Variants in PDIA5 observed in about 807,000 individuals in gnomAD.
The protein encoded by PDIA5 is protein disulfide isomerase family A member 5, also known as protein disulfide-isomerase A5.
PDIA5 carries 58 observed loss-of-function variants against 77.6 expected under a neutral mutation model. The ratio of observed to expected loss-of-function variants is 0.75; its 90% confidence interval spans 0.61 to 0.93. The LOEUF is 0.93. PDIA5 is among the 40% of genes least tolerant of loss of function. The probability of loss-of-function intolerance (pLI) is 0.00; values close to 1 mark genes in which losing one functional copy is unlikely to be tolerated. For missense variants in PDIA5, 630 were observed against 647.7 expected (o/e 0.97, Z 0.30); for synonymous variants, 250 against 252.1 (o/e 0.99, Z 0.08).
chr3:123,121,896 G>A (rs1935130010), intron 8 of PDIA5, among the ~76,000 whole-genome samples: 1 of 152,250 alleles, frequency 6.6e-6, no homozygotes, highest in Non-Finnish European at 1.5e-5. Flanking sequence ...TCAAGGAAAT[G>A]CGCGACCCCA....
Position 123,116,357 on chromosome 3 carries a change from G to A in PDIA5, c.609+59G>A, listed in dbSNP as rs1172733016. 12 of 1,357,360 alleles carry A rather than the reference G, an allele frequency of 8.8e-6. No individual in the cohort carries two copies. The East Asian group carries it at 2.7e-4, about 31-fold the overall frequency. 84.1% of individuals were successfully genotyped at this position (1,357,360 alleles called of 1,614,324 possible). The stretch of plus-strand genomic sequence containing the variant: ...TCACTCTTGGACTTGGCGGAGGAAG[G>A]GTGCCAGGGGTGGGGTGGGGACAGG... On this transcript the variant is annotated intron_variant, in intron 8 of 16. Coordinates refer to ENST00000316218, the MANE Select transcript of PDIA5 (RefSeq NM_006810.4).
chr3:123,135,136 T>C (rs1464377673), intron 11 of PDIA5, among the ~76,000 whole-genome samples: 2 of 152,204 alleles, frequency 1.3e-5, no homozygotes, highest in Non-Finnish European at 2.9e-5. Flanking sequence ...GCGTTCCATA[T>C]GAGAGAAGTC....
chr3:123,092,522 T>TCCCCAC, intron 3 of PDIA5, 80 bp downstream of exon 3: 1 of 990,896 alleles, frequency 1.0e-6, no homozygotes, highest in Non-Finnish European at 1.6e-6. Flanking sequence ...ACAGGAACTG[T>TCCCCAC]CTCTTGATTA....
chr3:123,100,080 T>G (rs1934543985), intron 3 of PDIA5, among the ~76,000 whole-genome samples: 1 of 152,218 alleles, frequency 6.6e-6, no homozygotes, highest in African/African-American at 2.4e-5. Flanking sequence ...CTGTTTGTTG[T>G]TGCAGTTGGG....
intron 1 of PDIA5, among the ~76,000 whole-genome samples, chr3:123,076,619 G>A (rs147868100): frequency 0.01 from 1,549 of 152,298 alleles, 16 homozygotes; most frequent in Middle Eastern, 0.041. Flanking sequence ...GTAAAAGCAT[G>A]GATGTACACC....
At chr3:123,099,057 G>GCACA (rs34705320) in intron 3 of PDIA5, among the ~76,000 whole-genome samples, 7,027 of 151,034 alleles carry the variant, frequency 0.047, 221 homozygotes, top group African/African-American at 0.098. Context: ...ACATGCTTGC[G>GCACA]CACACACACA....
intron 1 of PDIA5, among the ~76,000 whole-genome samples, chr3:123,082,504 G>A (rs1346828573): frequency 1.3e-5 from 2 of 152,090 alleles, no homozygotes; most frequent in African/African-American, 4.8e-5. Context: ...TGTGCCGTGT[G>A]ACCTCTTGGT....
At chr3:123,127,377 C>T (rs1269701614) in intron 10 of PDIA5, among the ~76,000 whole-genome samples, 1 of 152,222 alleles carries the variant, frequency 6.6e-6, no homozygotes, top group African/African-American at 2.4e-5. Context: ...CCCATTCATG[C>T]TTGAATGACT....
intron 6 of PDIA5, among the ~76,000 whole-genome samples, chr3:123,109,693 GA>G (rs894594685): frequency 1.9e-4 from 28 of 148,888 alleles, no homozygotes; most frequent in Non-Finnish European, 3.1e-4. Flanking sequence ...TCAGCAGAAA[GA>G]AAAAAAAAAT....
intron 11 of PDIA5, among the ~76,000 whole-genome samples, chr3:123,140,037 G>A (rs975423441): frequency 5.9e-5 from 9 of 152,294 alleles, no homozygotes; most frequent in African/African-American, 2.2e-4. Context: ...GGGATAGGTG[G>A]TCAGGGAGGG....
At chr3:123,161,591 G>C (rs1247573964) in intron 16 of PDIA5, 136 bp downstream of exon 16, 1 of 963,826 alleles carries the variant, frequency 1.0e-6, no homozygotes, top group East Asian at 2.5e-5. Context: ...GAGAGGCCCA[G>C]GCCCTGGGCC....
At chr3:123,074,584 T>C (rs1933802510) in intron 1 of PDIA5, among the ~76,000 whole-genome samples, 1 of 152,230 alleles carries the variant, frequency 6.6e-6, no homozygotes, top group South Asian at 2.1e-4. Flanking sequence ...TGATAACTTC[T>C]ATAATTTTAA....
At chr3:123,123,916 CT>C in intron 8 of PDIA5, 149 bp from the exon 9 acceptor site, 1 of 625,682 alleles carries the variant, frequency 1.6e-6, no homozygotes, top group East Asian at 2.7e-5. Flanking sequence ...CTTCGCTGGC[CT>C]TGTTTCTCAG....
intron 6 of PDIA5, among the ~76,000 whole-genome samples, chr3:123,110,048 A>C (rs1934825063): frequency 6.6e-6 from 1 of 152,180 alleles, no homozygotes; most frequent in Non-Finnish European, 1.5e-5. Flanking sequence ...CTTCTGTAAA[A>C]TGTGGTTGAG....
At chr3:123,130,717 G>T in intron 11 of PDIA5, 101 bp downstream of exon 11, 1 of 1,363,716 alleles carries the variant, frequency 7.3e-7, no homozygotes, top group Non-Finnish European at 1.0e-6. Context: ...CTTATTTTTT[G>T]GATGCCAGGA....
At chr3:123,119,205 A>G (rs1242650417) in intron 8 of PDIA5, among the ~76,000 whole-genome samples, 3 of 152,192 alleles carry the variant, frequency 2.0e-5, no homozygotes, top group Non-Finnish European at 4.4e-5. Context: ...GCAGGGAGCT[A>G]TGATTGCACC....
chr3:123,099,620 C>A (rs1934531346), intron 3 of PDIA5, among the ~76,000 whole-genome samples: 1 of 152,216 alleles, frequency 6.6e-6, no homozygotes, highest in South Asian at 2.1e-4. Flanking sequence ...CGGGCTGAAA[C>A]TTGGAGGCCA....
chr3:123,142,257 A>G (rs192359784), intron 11 of PDIA5, among the ~76,000 whole-genome samples: 26 of 152,352 alleles, frequency 1.7e-4, no homozygotes, highest in Admixed American at 3.3e-4. Flanking sequence ...GGAAATACAA[A>G]TAGCACTGCG....
chr3:123,137,160 C>A (rs530250357), intron 11 of PDIA5, among the ~76,000 whole-genome samples: 1 of 152,182 alleles, frequency 6.6e-6, no homozygotes, highest in Non-Finnish European at 1.5e-5. Context: ...CCAAACCCAG[C>A]GGGTGACAGA....
Sources: allele counts gnomAD v4.1 joint callset (sites outside exome capture counted in the v4.1 genomes callset), GRCh38; gene constraint gnomAD v4.1.1; transcripts MANE v1.5; gene names NCBI Gene and HGNC (gene_info 2026-07-23, HGNC 2026-07-21).